LPA: variants seen among roughly 807,000 people sequenced by gnomAD.
LPA encodes lipoprotein(a), also known as apolipoprotein(a).
In LPA, 199 loss-of-function variants were observed where a neutral mutation model predicts 197.9. That is an observed-to-expected ratio of 1.01 (90% confidence interval 0.90 to 1.13). The LOEUF (loss-of-function observed/expected upper bound fraction) is 1.13, where lower values mean the gene tolerates loss of function less well. Ranked by LOEUF, LPA falls within the 50% of genes most tolerant of loss-of-function variation. The probability of loss-of-function intolerance (pLI) is 0.00; values close to 1 mark genes in which losing one functional copy is unlikely to be tolerated. For synonymous variants in LPA, 715 were observed against 639.5 expected (o/e 1.12, Z -1.78); for missense variants, 1,853 against 1,785.8 (o/e 1.04, Z -0.68).
chr6:160,586,384 A>G (rs868844576), intron 25 of LPA, 65 bp downstream of exon 25: 1 of 1,588,096 alleles, frequency 6.3e-7, no homozygotes, highest in Non-Finnish European at 8.6e-7. Flanking sequence ...CTGCATCACA[A>G]AGATTTTGCA....
chr6:160,592,613 T>C (rs1268469248), intron 22 of LPA, among the ~76,000 whole-genome samples: 1 of 152,236 alleles, frequency 6.6e-6, no homozygotes, highest in Non-Finnish European at 1.5e-5. Context: ...TAAATGCAAG[T>C]TGCACTCTGG....
intron 28 of LPA, among the ~76,000 whole-genome samples, chr6:160,569,596 C>T (rs1278623525): frequency 6.6e-6 from 1 of 152,084 alleles, no homozygotes; most frequent in East Asian, 1.9e-4. Flanking sequence ...ACTAAATCAC[C>T]AAAAGCAATA....
At chr6:160,647,852 T>C (rs1779929159) in intron 2 of LPA, among the ~76,000 whole-genome samples, 1 of 152,230 alleles carries the variant, frequency 6.6e-6, no homozygotes, top group Non-Finnish European at 1.5e-5. Flanking sequence ...TTTAAAAAGA[T>C]ATAAACGTTT....
chr6:160,558,512 A>G (rs1003223964), intron 28 of LPA, among the ~76,000 whole-genome samples: 4 of 152,150 alleles, frequency 2.6e-5, no homozygotes, highest in Non-Finnish European at 4.4e-5. Flanking sequence ...GCCCTAAAAA[A>G]CTAGCTCCCA....
intron 23 of LPA, among the ~76,000 whole-genome samples, 164 bp from the exon 24 acceptor site, chr6:160,589,876 C>G (rs1227186037): frequency 1.3e-5 from 2 of 152,220 alleles, no homozygotes; most frequent in African/African-American, 4.8e-5. Flanking sequence ...CTCAAAGATT[C>G]ATAGCATTCT....
intron 28 of LPA, among the ~76,000 whole-genome samples, chr6:160,571,016 T>C (rs1361636352): frequency 1.3e-5 from 2 of 152,210 alleles, no homozygotes; most frequent in Admixed American, 6.5e-5. Flanking sequence ...CAATCAAACG[T>C]AGGTTCAATC....
At chr6:160,611,240 G>A (rs1245583076) in intron 16 of LPA, among the ~76,000 whole-genome samples, 1 of 152,106 alleles carries the variant, frequency 6.6e-6, no homozygotes, top group Non-Finnish European at 1.5e-5. Flanking sequence ...AATTCCAACT[G>A]GAAAGTCTTC....
chr6:160,609,742 T>C (rs1779445451), intron 16 of LPA, among the ~76,000 whole-genome samples: 3 of 152,036 alleles, frequency 2.0e-5, no homozygotes, highest in South Asian at 4.1e-4. Context: ...TATATTTCCC[T>C]ATTTCTTTAG....
At chr6:160,589,495 T>C in intron 24 of LPA, 58 bp downstream of exon 24, 1 of 1,600,680 alleles carries the variant, frequency 6.2e-7, no homozygotes, top group Non-Finnish European at 8.5e-7. Flanking sequence ...AGCATGGCTC[T>C]TCCAGGAGAA....
At chr6:160,606,440 A>G (rs763564952) in intron 17 of LPA, 37 bp downstream of exon 17, 1 of 1,609,846 alleles carries the variant, frequency 6.2e-7, no homozygotes, top group South Asian at 1.1e-5. Flanking sequence ...TCATCCCAGC[A>G]TCGAAACGTG....
At chr6:160,646,588 T>G (rs1325009931) in intron 2 of LPA, among the ~76,000 whole-genome samples, 193 bp from the exon 3 acceptor site, 8 of 65,124 alleles carry the variant, frequency 1.2e-4, no homozygotes, top group African/African-American at 4.4e-4. Context: ...TCATACTTAA[T>G]AGATTATTAC....
chr6:160,656,383 A>AAGT (rs1780133938), intron 1 of LPA, among the ~76,000 whole-genome samples: 1 of 152,208 alleles, frequency 6.6e-6, no homozygotes, highest in Admixed American at 6.5e-5. Context: ...GCCAGCTAAT[A>AAGT]AGTATGTCTA....
intron 28 of LPA, among the ~76,000 whole-genome samples, chr6:160,569,144 T>C (rs1289694116): frequency 6.6e-6 from 1 of 152,134 alleles, no homozygotes; most frequent in Non-Finnish European, 1.5e-5. Context: ...TTAAAGTTCA[T>C]ATGGAACAAA....
chr6:160,576,505 T>C (rs1778682024), intron 28 of LPA, among the ~76,000 whole-genome samples: 2 of 143,632 alleles, frequency 1.4e-5, no homozygotes, highest in Admixed American at 1.4e-4. Context: ...TATATAAATA[T>C]TTAAAATGTT....
intron 1 of LPA, among the ~76,000 whole-genome samples, chr6:160,651,470 A>C (rs560640340): frequency 6.6e-6 from 1 of 152,342 alleles, no homozygotes; most frequent in Non-Finnish European, 1.5e-5. Flanking sequence ...AGATAAAAGC[A>C]ACAAGCACAA....
rs118089917 is a variant in LPA, at chr6:160,660,716, G to A, written c.49+3450C>T. Among the ~76,000 whole-genome samples, 359 of 151,778 alleles carry A rather than the reference G, an allele frequency of 2.4e-3. 3 individuals carry two copies. Among genetic ancestry groups the A allele is most frequent in the East Asian group, 0.011 (58 of 5,140 alleles). The stretch of plus-strand genomic sequence containing the variant: ...AATGTTGGTGCATGGATGATGTTGG[G>A]AATAAATAAAAAGTGAACTAAATTA... On this transcript the variant is annotated intron_variant, in intron 1 of 38. Coordinates refer to ENST00000316300, the MANE Select transcript of LPA (RefSeq NM_005577.4).
chr6:160,575,634 C>T (rs1778641056), intron 28 of LPA, among the ~76,000 whole-genome samples: 1 of 152,146 alleles, frequency 6.6e-6, no homozygotes, highest in African/African-American at 2.4e-5. Flanking sequence ...CAAAGAGTGG[C>T]TTTTCTGGGG....
intron 22 of LPA, among the ~76,000 whole-genome samples, chr6:160,591,459 C>T (rs1052046830): frequency 3.9e-5 from 6 of 152,146 alleles, no homozygotes; most frequent in African/African-American, 1.4e-4. Flanking sequence ...GTTTTATGCA[C>T]GTACAAATGT....
intron 17 of LPA, 70 bp downstream of exon 17, chr6:160,606,407 T>A: frequency 6.4e-7 from 1 of 1,571,792 alleles, no homozygotes; most frequent in Non-Finnish European, 8.7e-7. Context: ...GGCTGCTGCA[T>A]CAGTGGGAAT....
Sources: gnomAD v4.1 joint callset for allele counts (sites outside exome capture counted in the v4.1 genomes callset) on GRCh38, gnomAD v4.1.1 for gene constraint, MANE v1.5 for transcripts, NCBI Gene and HGNC (gene_info 2026-07-23, HGNC 2026-07-21) for gene names.